Variants in ARNT2 observed in about 807,000 individuals in gnomAD.
The protein encoded by ARNT2 is aryl hydrocarbon receptor nuclear translocator 2.
In ARNT2, 36 loss-of-function variants were observed where a neutral mutation model predicts 91.7. That is an observed-to-expected ratio of 0.39 (90% CI 0.30 to 0.52). ARNT2 has a LOEUF of 0.52. Ranked by LOEUF, ARNT2 falls within the 20% of genes least tolerant of loss-of-function variation. The pLI is 0.72. For missense variants in ARNT2, 775 were observed against 939.3 expected, an observed-to-expected ratio of 0.83 and a Z score of 2.29; for synonymous variants, 365 against 347.1, an observed-to-expected ratio of 1.05 and a Z score of -0.57.
chr15:80,535,922 A>G (rs575493692), intron 8 of ARNT2, among the ~76,000 whole-genome samples: 30 of 151,908 alleles, frequency 2.0e-4, no homozygotes, highest in Admixed American at 1.5e-3. Context: ...TTTTTCAGTT[A>G]TTTTTATGTC....
At chr15:80,409,719 C>A (rs766160151) in intron 1 of ARNT2, among the ~76,000 whole-genome samples, 20 of 152,104 alleles carry the variant, frequency 1.3e-4, no homozygotes, top group South Asian at 2.1e-4. Context: ...AGAAATGATC[C>A]CCTGAGATAA....
chr15:80,529,977 G>T (rs1897709484), intron 8 of ARNT2, among the ~76,000 whole-genome samples: 1 of 152,182 alleles, frequency 6.6e-6, no homozygotes, highest in Admixed American at 6.5e-5. Context: ...ACACTGAGTA[G>T]TTGAATTTAG....
chr15:80,417,624 C>T (rs1025843754), intron 1 of ARNT2, among the ~76,000 whole-genome samples: 1 of 150,810 alleles, frequency 6.6e-6, no homozygotes, highest in East Asian at 2.0e-4. Flanking sequence ...TCCTCACCCT[C>T]TCCTGCTCCT....
At chr15:80,509,002 T>A (rs1402039207) in intron 6 of ARNT2, among the ~76,000 whole-genome samples, 1 of 151,940 alleles carries the variant, frequency 6.6e-6, no homozygotes, top group Non-Finnish European at 1.5e-5. Flanking sequence ...GGACAGAGAA[T>A]TGAGATTGTT....
At chr15:80,432,802 A>G (rs1007063216) in intron 1 of ARNT2, among the ~76,000 whole-genome samples, 5 of 152,104 alleles carry the variant, frequency 3.3e-5, no homozygotes, top group South Asian at 4.1e-4. Context: ...GAAATCCCAC[A>G]GCCTTTTTCT....
intron 8 of ARNT2, among the ~76,000 whole-genome samples, chr15:80,536,363 C>T (rs1159802588): frequency 2.0e-5 from 3 of 152,126 alleles, no homozygotes; most frequent in African/African-American, 7.2e-5. Flanking sequence ...AGGAATCTGG[C>T]CACCCCACCC....
At chr15:80,503,708 C>T (rs950121492) in intron 5 of ARNT2, among the ~76,000 whole-genome samples, 3 of 152,232 alleles carry the variant, frequency 2.0e-5, no homozygotes, top group African/African-American at 4.8e-5. Context: ...AAACCTGGGG[C>T]AGCAGACAGC....
chr15:80,595,147 C>T lies in ARNT2; in HGVS notation c.*1449C>T, dbSNP rs1176328100. 4 of 152,290 alleles carry T rather than the reference C, an allele frequency of 2.6e-5. No homozygotes were observed. Among genetic ancestry groups the T allele is most frequent in the Non-Finnish European group, 5.9e-5 (4 of 68,118 alleles). 9.4% of individuals were successfully genotyped at this position (152,290 alleles called of 1,614,324 possible). ...ACACCCCTTACACTAGTGAGGACTC[C>T]TTCGGCCTCTTGTGTTTCCTTCCTT... On this transcript the variant is annotated 3_prime_UTR_variant, in exon 19 of 19. Coordinates refer to ENST00000303329, the MANE Select transcript of ARNT2 (RefSeq NM_014862.4).
Position 80,574,210 on chromosome 15 carries a change from A to T in ARNT2, c.1379A>T (p.Asp460Val). ...VHQRDGLSSY[D>V]LSQVPVPNLP... is the part of the protein sequence containing the mutation. ...CAGAGAGATGGATTGTCATCGTATG[A>T]CTTATCCCAGGTGAGTTTCTGGAAA... Residue 460 changes from aspartate to valine, a missense_variant, in exon 13 of 19, where the codon GAC becomes GTC. Transcript: ENST00000303329. The T allele has an allele frequency of 6.2e-7, 1 of 1,614,164 alleles. No homozygotes were observed. The highest frequency in any genetic ancestry group is 8.5e-7 in the Non-Finnish European group (1 of 1,179,988).
chr15:80,512,740 C>T (rs1194320302), intron 6 of ARNT2, among the ~76,000 whole-genome samples: 1 of 152,164 alleles, frequency 6.6e-6, no homozygotes, highest in African/African-American at 2.4e-5. Context: ...ATATCATTTC[C>T]ATTAGCCCAT....
rs780890461 is a variant in ARNT2, at chr15:80,574,938, T to G, written c.1390-49T>G. On this transcript the variant is annotated intron_variant, in intron 13 of 18. Coordinates refer to ENST00000303329, the MANE Select transcript of ARNT2 (RefSeq NM_014862.4). Reference sequence around the variant, plus strand: ...TGGTGGCTCCTGGGGACGCATGTTCTGTGCCTTACGCATGAGTTGCTGTTG... The same window carrying G: ...TGGTGGCTCCTGGGGACGCATGTTCGGTGCCTTACGCATGAGTTGCTGTTG... 20 of 1,598,598 alleles carry G rather than the reference T, an allele frequency of 1.3e-5. 1 individual carries two copies. The Admixed American group carries it at 3.4e-4, about 27-fold the overall frequency.
At chr15:80,414,911 G>A (rs544761334) in intron 1 of ARNT2, among the ~76,000 whole-genome samples, 2 of 152,144 alleles carry the variant, frequency 1.3e-5, no homozygotes, top group Non-Finnish European at 2.9e-5. Context: ...TTGGAAAGAT[G>A]TGGCATAAAA....
chr15:80,548,198 T>C (rs1478292590), intron 8 of ARNT2, among the ~76,000 whole-genome samples: 2 of 152,160 alleles, frequency 1.3e-5, no homozygotes, highest in African/African-American at 4.8e-5. Context: ...AGAGCAGATA[T>C]TAGAATCCAG....
chr15:80,486,947 A>C (rs1388492276), intron 5 of ARNT2, among the ~76,000 whole-genome samples: 1 of 152,016 alleles, frequency 6.6e-6, no homozygotes, highest in Non-Finnish European at 1.5e-5. Flanking sequence ...TTCCTGCTCT[A>C]TTCCTCTTCA....
intron 17 of ARNT2, among the ~76,000 whole-genome samples, chr15:80,584,534 C>G (rs1898857885): frequency 6.6e-6 from 1 of 152,138 alleles, no homozygotes; most frequent in Non-Finnish European, 1.5e-5. Context: ...GGAGAAGGAA[C>G]AGAGCAGGTA....
intron 1 of ARNT2, among the ~76,000 whole-genome samples, chr15:80,424,510 G>T (rs1437211223): frequency 6.6e-6 from 1 of 152,210 alleles, no homozygotes; most frequent in Non-Finnish European, 1.5e-5. Context: ...TCCACGGGCT[G>T]CTCTTCCAGT....
intron 1 of ARNT2, among the ~76,000 whole-genome samples, chr15:80,427,308 C>G (rs759923872): frequency 2.6e-5 from 4 of 152,176 alleles, no homozygotes; most frequent in Non-Finnish European, 5.9e-5. Context: ...CCATCTGTCT[C>G]TCTGTTGAGA....
intron 13 of ARNT2, 25 bp downstream of exon 13, chr15:80,574,245 C>T: frequency 6.2e-7 from 1 of 1,608,496 alleles, no homozygotes; most frequent in Non-Finnish European, 8.5e-7. Context: ...AACCCTTTCC[C>T]TGTTGGAATT....
intron 17 of ARNT2, among the ~76,000 whole-genome samples, chr15:80,583,447 T>G (rs551780328): frequency 6.6e-6 from 1 of 152,292 alleles, no homozygotes; most frequent in East Asian, 1.9e-4. Flanking sequence ...AAGCCCTGGG[T>G]TGAGGCCACT....
Sources: allele counts gnomAD v4.1 joint callset (sites outside exome capture counted in the v4.1 genomes callset), GRCh38; gene constraint gnomAD v4.1.1; transcripts MANE v1.5; gene names NCBI Gene and HGNC (gene_info 2026-07-23, HGNC 2026-07-21).